SIK3: variants seen among roughly 807,000 people sequenced by gnomAD.
The protein encoded by SIK3 is serine/threonine-protein kinase SIK3.
SIK3 carries 28 observed loss-of-function variants against 144.2 expected under a neutral mutation model. The ratio of observed to expected loss-of-function variants is 0.19; its 90% CI spans 0.14 to 0.27. SIK3 has a LOEUF of 0.27. SIK3 is among the 10% of genes least tolerant of loss of function. SIK3 has a pLI of 1.00. For synonymous variants in SIK3, 686 were observed against 676.3 expected (o/e 1.01, Z -0.22); for missense variants, 1,319 against 1,776.0 (o/e 0.74, Z 4.62).
At position 116,867,896 on chromosome 11, in the gene SIK3, G is replaced by A. The variant is rs1156628734; in HGVS notation, c.1952+50C>T. 3 of 1,456,502 alleles carry A rather than the reference G, an allele frequency of 2.1e-6. No individual in the cohort carries two copies. Among genetic ancestry groups the A allele is most frequent in the East Asian group, 2.5e-5 (1 of 39,780 alleles). 90.2% of individuals were successfully genotyped at this position (1,456,502 alleles called of 1,614,324 possible). On this transcript the variant is annotated intron_variant, in intron 15 of 24. Coordinates refer to ENST00000445177, the MANE Select transcript of SIK3 (RefSeq NM_001366686.3). The surrounding 1 kb of genome is among the most constrained non-coding windows in gnomAD (Gnocchi z 4.1). ...TCGCTGTGAGACTAATCAGAAGGGT[G>A]CCTGTCCGATGAGCCTCAAGGAGCT...
intron 1 of SIK3, among the ~76,000 whole-genome samples, chr11:116,994,341 G>C (rs192990559): frequency 9.2e-5 from 14 of 152,332 alleles, no homozygotes; most frequent in South Asian, 2.1e-4. Context: ...TCGAAGGAAA[G>C]AATGTTAATC....
At chr11:117,030,432 T>C (rs1565575358) in intron 1 of SIK3, among the ~76,000 whole-genome samples, 1 of 152,232 alleles carries the variant, frequency 6.6e-6, no homozygotes. Flanking sequence ...TTAAAATCTA[T>C]ATTCATGGAT....
intron 1 of SIK3, among the ~76,000 whole-genome samples, chr11:117,013,922 G>C (rs1386408449): frequency 1.1e-5 from 1 of 93,868 alleles, no homozygotes; most frequent in African/African-American, 3.4e-5. Flanking sequence ...GAGGGTGTGT[G>C]TGTGTGTGTG....
In SIK3 at chr11:117,025,866, CCT is replaced by C. The variant is rs1273949388; in HGVS notation, c.274-68804_274-68803del. Among the ~76,000 whole-genome samples, 4 of 152,238 alleles carry C rather than the reference CCT, an allele frequency of 2.6e-5. No individual in the cohort carries two copies. The South Asian group carries it at 8.3e-4, about 32-fold the overall frequency. ...ACAGTCAGACCTGGAACTCAAATCC[CCT>C]GACTACCTCTCTAAGGCTTTTTCCA... is the stretch of plus-strand genomic sequence containing the variant. On this transcript the variant is annotated intron_variant, in intron 1 of 24. Coordinates refer to ENST00000445177, the MANE Select transcript of SIK3 (RefSeq NM_001366686.3).
At chr11:116,915,696 G>A (rs1298629788) in intron 4 of SIK3, among the ~76,000 whole-genome samples, 1 of 152,140 alleles carries the variant, frequency 6.6e-6, no homozygotes, top group Non-Finnish European at 1.5e-5. Flanking sequence ...ACAATTTGAT[G>A]TGCTGTGTAA....
intron 3 of SIK3, among the ~76,000 whole-genome samples, chr11:116,929,784 A>T (rs556895416): frequency 2.8e-4 from 43 of 152,398 alleles, no homozygotes; most frequent in African/African-American, 1.0e-3. Context: ...AAGATGTTGC[A>T]AAAGACATTT....
At chr11:117,085,727 G>GTAAGCCTAGCACTT (rs1175555757) in intron 1 of SIK3, among the ~76,000 whole-genome samples, 9 of 152,180 alleles carry the variant, frequency 5.9e-5, no homozygotes, top group Non-Finnish European at 1.3e-4. Flanking sequence ...GCTCATGCCT[G>GTAAGCCTAGCACTT]TAAGCCTAGC....
At chr11:117,032,096 T>G (rs962351093) in intron 1 of SIK3, among the ~76,000 whole-genome samples, 4 of 152,210 alleles carry the variant, frequency 2.6e-5, no homozygotes, top group Non-Finnish European at 1.5e-5. Context: ...CAATAAGTCT[T>G]GAAATCAGGT....
chr11:116,851,345 C>A (rs1387245533), intron 21 of SIK3, among the ~76,000 whole-genome samples: 1 of 152,158 alleles, frequency 6.6e-6, no homozygotes. Context: ...GCAAACACAG[C>A]TGTAATGCTA....
chr11:117,070,754 T>C (rs1411037930), intron 1 of SIK3, among the ~76,000 whole-genome samples: 2 of 99,768 alleles, frequency 2.0e-5, no homozygotes, highest in Admixed American at 8.4e-5. Context: ...CCCTTTTTCT[T>C]TTTTTTTTTT....
At position 117,060,802 on chromosome 11, in the gene SIK3, G is replaced by GT. The variant is rs565293590; in HGVS notation, c.273+37340dup. ...ATGTAAACTATGAATTTTAGTTAAT[G>GT]TACCAATATTGCTCATCAATTGTAG... On this transcript the variant is annotated intron_variant, in intron 1 of 24. Transcript: ENST00000445177. Among the ~76,000 whole-genome samples the GT allele has an allele frequency of 2.4e-3, 362 of 152,236 alleles. 1 individual carries two copies. Among genetic ancestry groups the GT allele is most frequent in the South Asian group, 4.1e-3 (20 of 4,828 alleles).
In SIK3 at chr11:117,074,889, T is replaced by C. The variant is rs188233330; in HGVS notation, c.273+23254A>G. 4.2e-3 allele frequency among the ~76,000 whole-genome samples: 635 copies of C among 150,710 alleles called. 3 individuals carry two copies. The highest frequency in any genetic ancestry group is 0.021 in the Middle Eastern group (6 of 292). On this transcript the variant is annotated intron_variant, in intron 1 of 24. Coordinates refer to ENST00000445177, the MANE Select transcript of SIK3 (RefSeq NM_001366686.3). ...TTGCAGTGAGTCAAGATCGCGCCAT[T>C]GCACTCCAGCCTGGGTGACAGAGAG...
intron 4 of SIK3, among the ~76,000 whole-genome samples, chr11:116,901,913 A>AT (rs1945758517): frequency 6.6e-6 from 1 of 152,226 alleles, no homozygotes; most frequent in East Asian, 1.9e-4. Context: ...CAGGTTGCTA[A>AT]AAATCCCAAC....
intron 4 of SIK3, among the ~76,000 whole-genome samples, chr11:116,901,272 T>C (rs1362696004): frequency 6.6e-6 from 1 of 152,212 alleles, no homozygotes; most frequent in Admixed American, 6.5e-5. Context: ...GTGGTTCTAA[T>C]ACATAGCAGA....
intron 1 of SIK3, among the ~76,000 whole-genome samples, 163 bp downstream of exon 1, chr11:117,097,980 C>G (rs1955554987): frequency 6.6e-6 from 1 of 151,638 alleles, no homozygotes; most frequent in South Asian, 2.1e-4. Context: ...CCCAGGTGTC[C>G]CTAGCTCCGC....
rs1477736827 is a variant in SIK3, at chr11:116,867,173, T to C, written c.1952+773A>G. ...CAGAAATAAAATACGCTCTAGTAAC[T>C]GGTGGTGGCTTTGAACGTGTGGGCC... On this transcript the variant is annotated intron_variant, in intron 15 of 24. Coordinates refer to ENST00000445177, the MANE Select transcript of SIK3 (RefSeq NM_001366686.3). This position sits in a 1 kb window ranked among gnomAD's most constrained non-coding sequence, Gnocchi z 4.1. Among the ~76,000 whole-genome samples, 1 of 152,186 alleles carries C rather than the reference T, an allele frequency of 6.6e-6. No individual in the cohort carries two copies. The highest frequency in any genetic ancestry group is 1.5e-5 in the Non-Finnish European group (1 of 68,010).
chr11:116,912,568 C>T (rs550173693), intron 4 of SIK3, among the ~76,000 whole-genome samples: 3 of 152,146 alleles, frequency 2.0e-5, no homozygotes, highest in East Asian at 1.9e-4. Context: ...CAGCTTTGAG[C>T]GACGGACAAC....
intron 1 of SIK3, among the ~76,000 whole-genome samples, chr11:117,035,646 C>T (rs1371890907): frequency 6.6e-6 from 1 of 152,178 alleles, no homozygotes; most frequent in East Asian, 1.9e-4. Context: ...CCTTGAGCTC[C>T]TAGGCTCAAG....
At chr11:116,958,896 CAAA>C (rs1441197580) in intron 1 of SIK3, among the ~76,000 whole-genome samples, 1 of 152,014 alleles carries the variant, frequency 6.6e-6, no homozygotes, top group African/African-American at 2.4e-5. Context: ...AAAACAACAA[CAAA>C]AAAAATCATG....
Sources: allele counts gnomAD v4.1 joint callset (sites outside exome capture counted in the v4.1 genomes callset), GRCh38; gene constraint gnomAD v4.1.1; non-coding constraint Gnocchi (gnomAD v3.1); transcripts MANE v1.5; gene names NCBI Gene and HGNC (gene_info 2026-07-23, HGNC 2026-07-21).